ZNF362: variants seen among roughly 807,000 people sequenced by gnomAD.
ZNF362 encodes zinc finger protein 362, also known as rotund homolog.
A neutral mutation model predicts 42.9 loss-of-function variants in ZNF362; 11 were observed. The observed-to-expected ratio is 0.26, with a 90% CI of 0.16 to 0.42. ZNF362 has a LOEUF of 0.42. Among genes scored for constraint, ZNF362 ranks in the 20% least tolerant of loss-of-function variants. The pLI is 1.00. For synonymous variants in ZNF362, 255 were observed against 257.3 expected, an observed-to-expected ratio of 0.99 and a Z score of 0.09; for missense variants, 362 against 576.2, an observed-to-expected ratio of 0.63 and a Z score of 3.81.
chr1:33,296,824 G>GTTT (rs10595778), intron 8 of ZNF362, among the ~76,000 whole-genome samples: 1 of 135,536 alleles, frequency 7.4e-6, no homozygotes, highest in Non-Finnish European at 1.6e-5. Context: ...GTCAGGAAGG[G>GTTT]TTTTTTTTTT....
At chr1:33,282,828 A>G (rs1459224711) in intron 6 of ZNF362, among the ~76,000 whole-genome samples, 2 of 17,926 alleles carry the variant, frequency 1.1e-4, no homozygotes, top group Non-Finnish European at 8.6e-4. Flanking sequence ...GTCTCAAGAG[A>G]AAAAAAAAAA....
chr1:33,250,723 A>G, the ZNF362 span, among the ~76,000 whole-genome samples: 2 of 151,776 alleles, frequency 1.3e-5, no homozygotes, highest in East Asian at 1.9e-4. Context: ...CATCCTGCAC[A>G]TGTACCCTGG....
chr1:33,183,313 T>C, the ZNF362 span, among the ~76,000 whole-genome samples: 1 of 152,224 alleles, frequency 6.6e-6, no homozygotes, highest in Non-Finnish European at 1.5e-5. Context: ...AGGTACAGTT[T>C]ATGAAAAAGC....
At chr1:33,257,267 C>G (rs1349868563) in intron 1 of ZNF362, among the ~76,000 whole-genome samples, 5 of 150,860 alleles carry the variant, frequency 3.3e-5, no homozygotes, top group Non-Finnish European at 7.4e-5. Flanking sequence ...TTTTCTTTGG[C>G]GAGAGCCGCG....
the ZNF362 span, among the ~76,000 whole-genome samples, chr1:33,178,751 A>G: frequency 0.75 from 114,185 of 152,148 alleles, 42,859 homozygotes; most frequent in Admixed American, 0.78. Flanking sequence ...CCAACCCCAC[A>G]ACAGTGCACT....
Position 33,263,413 on chromosome 1 carries a change from AT to A in ZNF362, c.-89+6774del, listed in dbSNP as rs1215525000. 6.5e-3 allele frequency among the ~76,000 whole-genome samples: 930 copies of A among 143,974 alleles called. 6 individuals are homozygous for A. The highest frequency in any genetic ancestry group is 0.028 in the East Asian group (141 of 4,970). The allele number at this position is 143,974 out of a possible 152,430, so 94.5% of individuals were successfully genotyped here. Reference sequence around the variant, plus strand: ...TATATAAAAGATCACACAAATGATGATTTTTTTTTTTTTTTGAGATGGAGTC... The same window carrying A: ...TATATAAAAGATCACACAAATGATGATTTTTTTTTTTTTTGAGATGGAGTC... On this transcript the variant is annotated intron_variant, in intron 1 of 8. Transcript: ENST00000539719.
upstream of ZNF362, among the ~76,000 whole-genome samples, chr1:33,252,958 G>A (rs770904432): frequency 6.6e-5 from 10 of 151,968 alleles, no homozygotes; most frequent in Non-Finnish European, 1.2e-4. Flanking sequence ...CATTTATTCC[G>A]ATGCATCGTG....
intron 6 of ZNF362, among the ~76,000 whole-genome samples, chr1:33,284,739 GA>G (rs1385617451): frequency 5.3e-5 from 8 of 150,264 alleles, no homozygotes; most frequent in Non-Finnish European, 8.9e-5. Flanking sequence ...CAGTAATAAA[GA>G]AAAAAAAAGA....
the ZNF362 span, among the ~76,000 whole-genome samples, chr1:33,189,667 A>ATATATATATG: frequency 5.3e-4 from 17 of 32,212 alleles, no homozygotes; most frequent in South Asian, 1.3e-3. Context: ...ATATATATAT[A>ATATATATATG]TATATGTATA....
chr1:33,180,354 CTTG>C, the ZNF362 span, among the ~76,000 whole-genome samples: 1 of 152,114 alleles, frequency 6.6e-6, no homozygotes, highest in African/African-American at 2.4e-5. Flanking sequence ...TAAATCTAAA[CTTG>C]TTGTAGAGTA....
At chr1:33,168,489 T>C in the ZNF362 span, among the ~76,000 whole-genome samples, 1 of 152,196 alleles carries the variant, frequency 6.6e-6, no homozygotes, top group African/African-American at 2.4e-5. Flanking sequence ...GGACTTGGCA[T>C]TGGGATGAGA....
At chr1:33,170,340 C>G in the ZNF362 span, among the ~76,000 whole-genome samples, 1 of 151,734 alleles carries the variant, frequency 6.6e-6, no homozygotes, top group African/African-American at 2.4e-5. Flanking sequence ...AAAAAATCTC[C>G]CCTACTAGAT....
chr1:33,250,819 GAGA>G, the ZNF362 span, among the ~76,000 whole-genome samples: 51 of 141,212 alleles, frequency 3.6e-4, 1 homozygote, highest in South Asian at 7.8e-3. Context: ...AGAAGAAGAA[GAGA>G]AGAAGAAAAG....
chr1:33,206,328 T>G, the ZNF362 span, among the ~76,000 whole-genome samples: 4 of 151,372 alleles, frequency 2.6e-5, no homozygotes, highest in South Asian at 4.2e-4. Flanking sequence ...GGCCTTGAGT[T>G]GGGCAAAGAT....
the ZNF362 span, among the ~76,000 whole-genome samples, chr1:33,198,130 C>T: frequency 2.0e-5 from 3 of 152,128 alleles, no homozygotes; most frequent in Admixed American, 2.0e-4. Context: ...CCAGAGCCCC[C>T]CAAAAAGTAA....
At chr1:33,229,957 G>A in the ZNF362 span, among the ~76,000 whole-genome samples, 1 of 152,214 alleles carries the variant, frequency 6.6e-6, no homozygotes, top group Admixed American at 6.5e-5. Context: ...AAAAAGGTGG[G>A]ATCCCTACCC....
the ZNF362 span, among the ~76,000 whole-genome samples, chr1:33,138,554 A>C: frequency 6.7e-6 from 1 of 149,970 alleles, no homozygotes; most frequent in Non-Finnish European, 1.5e-5. Context: ...TGGGAGGCTG[A>C]GGCACTGTGA....
At chr1:33,159,015 A>ATT in the ZNF362 span, among the ~76,000 whole-genome samples, 1 of 149,890 alleles carries the variant, frequency 6.7e-6, no homozygotes, top group Non-Finnish European at 1.5e-5. The surrounding 1 kb of genome is among the most constrained non-coding windows in gnomAD (Gnocchi z 4.2). Context: ...TAATTTTTGT[A>ATT]TTTTTTTTTA....
chr1:33,282,269 TCTC>T (rs1230693655), intron 6 of ZNF362, among the ~76,000 whole-genome samples: 1 of 152,176 alleles, frequency 6.6e-6, no homozygotes, highest in African/African-American at 2.4e-5. Flanking sequence ...AAGAGCTCAG[TCTC>T]CTCCATTTCC....
Sources: allele counts gnomAD v4.1 joint callset (sites outside exome capture counted in the v4.1 genomes callset), GRCh38; gene constraint gnomAD v4.1.1; non-coding constraint Gnocchi (gnomAD v3.1); transcripts MANE v1.5; gene names NCBI Gene and HGNC (gene_info 2026-07-23, HGNC 2026-07-21).